The following SUPT3H variants were observed in gnomAD, a reference collection of about 807,000 sequenced individuals.
The protein encoded by SUPT3H is transcription initiation protein SPT3 homolog.
A neutral mutation model predicts 44.3 loss-of-function variants in SUPT3H; 44 were observed. The observed-to-expected ratio is 0.99, with a 90% CI of 0.78 to 1.28. The LOEUF is 1.28. Among genes scored for constraint, SUPT3H ranks in the 50% most tolerant of loss-of-function variants. The pLI is 0.00. For missense variants in SUPT3H, 380 were observed against 387.1 expected, an observed-to-expected ratio of 0.98 and a Z score of 0.15; for synonymous variants, 124 against 125.6, an observed-to-expected ratio of 0.99 and a Z score of 0.09.
chr6:45,375,895 C>T (rs1368400479), intron 1 of SUPT3H, among the ~76,000 whole-genome samples: 1 of 151,286 alleles, frequency 6.6e-6, no homozygotes, highest in South Asian at 2.1e-4. Context: ...CCTAATTTCA[C>T]TTATCTCTCC....
At chr6:45,243,808 A>C (rs1033752216) in intron 2 of SUPT3H, among the ~76,000 whole-genome samples, 1 of 152,200 alleles carries the variant, frequency 6.6e-6, no homozygotes, top group African/African-American at 2.4e-5. Context: ...CTTTGCACTA[A>C]TACTGTTGCC....
At chr6:45,284,184 C>G (rs549455502) in intron 2 of SUPT3H, among the ~76,000 whole-genome samples, 6 of 152,078 alleles carry the variant, frequency 3.9e-5, no homozygotes, top group Non-Finnish European at 7.4e-5. Context: ...ATTAAAACAA[C>G]TGGAGAAGCA....
intron 2 of SUPT3H, among the ~76,000 whole-genome samples, chr6:45,281,081 G>C (rs1325475452): frequency 6.6e-6 from 1 of 152,202 alleles, no homozygotes; most frequent in Non-Finnish European, 1.5e-5. Context: ...GACTGTTTTA[G>C]TTTTTAATAT....
At chr6:44,812,014 G>A (rs895545027) in intron 11 of SUPT3H, among the ~76,000 whole-genome samples, 4 of 151,998 alleles carry the variant, frequency 2.6e-5, no homozygotes, top group African/African-American at 9.7e-5. Flanking sequence ...ATAACTCAAG[G>A]TATGAGAGAC....
rs377126504 is a variant in SUPT3H, at chr6:44,932,746, A to G, written c.819T>C (p.Gly273=). 12 of 1,608,510 alleles carry G rather than the reference A, an allele frequency of 7.5e-6. No individual in the cohort carries two copies. The highest frequency in any genetic ancestry group is 1.3e-5 in the African/African-American group (1 of 74,508). The part of the protein sequence containing the change: ...HNSAESTAAC[G]VEAHSDAIQP... ...GGATGGCATCGCTGTGAGCCTCAAC[A>G]CCACAGGCTGCAGTGCTCTGCGACA... The change falls in exon 10 of 11, where the codon GGT becomes GGC. Residue 273 remains glycine (G), a synonymous_variant. Transcript: ENST00000371459.
chr6:45,253,872 T>TATATATATATACAC (rs1491408260), intron 2 of SUPT3H, among the ~76,000 whole-genome samples: 1 of 124,080 alleles, frequency 8.1e-6, no homozygotes, highest in Admixed American at 8.2e-5. Flanking sequence ...TATATATATA[T>TATATATATATACAC]ACACACACAC....
chr6:45,176,826 C>T (rs960675783), intron 2 of SUPT3H, among the ~76,000 whole-genome samples: 1 of 152,128 alleles, frequency 6.6e-6, no homozygotes. Flanking sequence ...TGACACAAGG[C>T]CAGGTACTCC....
At position 44,886,858 on chromosome 6, in the gene SUPT3H, A is replaced by G. The variant is rs1451783732; in HGVS notation, c.912+45795T>C. Among the ~76,000 whole-genome samples, 10 of 152,162 alleles carry G rather than the reference A, an allele frequency of 6.6e-5. 1 individual carries two copies. The highest frequency in any genetic ancestry group is 3.8e-4 in the East Asian group (2 of 5,204). ...AAGAGTCAAGACCCATCAGTGTGCTATATTCAGGAAACCCATCTCACATGC... is the reference window on the plus strand; with the variant it reads ...AAGAGTCAAGACCCATCAGTGTGCTGTATTCAGGAAACCCATCTCACATGC... On this transcript the variant is annotated intron_variant, in intron 10 of 10. Coordinates refer to ENST00000371459, the MANE Select transcript of SUPT3H (RefSeq NM_003599.4).
chr6:44,847,792 G>C (rs994536327), intron 10 of SUPT3H, among the ~76,000 whole-genome samples: 1 of 151,390 alleles, frequency 6.6e-6, no homozygotes, highest in Non-Finnish European at 1.5e-5. Context: ...CCAGCCTATG[G>C]GAAGATTTTT....
chr6:44,917,794 T>C (rs1582483385), intron 10 of SUPT3H, among the ~76,000 whole-genome samples: 1 of 152,206 alleles, frequency 6.6e-6, no homozygotes, highest in Admixed American at 6.5e-5. Context: ...TTCCACACCA[T>C]TTCCAGTACA....
intron 10 of SUPT3H, among the ~76,000 whole-genome samples, chr6:44,844,072 G>A (rs890643341): frequency 6.6e-6 from 1 of 151,858 alleles, no homozygotes; most frequent in Non-Finnish European, 1.5e-5. Context: ...TGAAACAGAT[G>A]AGAGAGTCCA....
intron 2 of SUPT3H, among the ~76,000 whole-genome samples, chr6:45,329,819 T>C (rs1787095177): frequency 6.6e-6 from 1 of 151,978 alleles, no homozygotes; most frequent in Non-Finnish European, 1.5e-5. Context: ...TAGCAAAATA[T>C]CTAAACACAC....
intron 6 of SUPT3H, among the ~76,000 whole-genome samples, chr6:44,997,776 T>C (rs1350546196): frequency 6.6e-6 from 1 of 151,840 alleles, no homozygotes; most frequent in Non-Finnish European, 1.5e-5. Context: ...TTCATTTAAG[T>C]GAGATATTTT....
chr6:44,940,642 T>C (rs1772252399), intron 9 of SUPT3H, among the ~76,000 whole-genome samples: 1 of 152,140 alleles, frequency 6.6e-6, no homozygotes, highest in African/African-American at 2.4e-5. Context: ...GTTGAAGTTG[T>C]CCATTATTAC....
chr6:45,242,820 C>T (rs138204512), intron 2 of SUPT3H, among the ~76,000 whole-genome samples: 3 of 152,018 alleles, frequency 2.0e-5, no homozygotes, highest in Admixed American at 6.6e-5. Context: ...GAAAATAAGG[C>T]CCATAAACAG....
chr6:44,917,674 C>A (rs1392473546), intron 10 of SUPT3H, among the ~76,000 whole-genome samples: 11 of 152,148 alleles, frequency 7.2e-5, no homozygotes, highest in Admixed American at 7.2e-4. Context: ...AGAATAAATA[C>A]CTCCAGGCTA....
At chr6:45,129,434 T>C (rs1462963496) in intron 2 of SUPT3H, among the ~76,000 whole-genome samples, 1 of 152,252 alleles carries the variant, frequency 6.6e-6, no homozygotes, top group Non-Finnish European at 1.5e-5. Flanking sequence ...TTTCTAGTTA[T>C]GTGGTCTCAC....
intron 3 of SUPT3H, among the ~76,000 whole-genome samples, chr6:45,082,055 A>T (rs1795883414): frequency 6.6e-6 from 1 of 152,152 alleles, no homozygotes; most frequent in Non-Finnish European, 1.5e-5. Context: ...GAAATGGATA[A>T]ATTCCTGGAA....
chr6:44,989,711 C>T (rs867165391), intron 6 of SUPT3H, among the ~76,000 whole-genome samples: 1 of 152,068 alleles, frequency 6.6e-6, no homozygotes, highest in Non-Finnish European at 1.5e-5. Context: ...TGAGGTGATA[C>T]ATCTCACTGC....
Sources: gnomAD v4.1 joint callset for allele counts (sites outside exome capture counted in the v4.1 genomes callset) on GRCh38, gnomAD v4.1.1 for gene constraint, MANE v1.5 for transcripts, NCBI Gene and HGNC (gene_info 2026-07-23, HGNC 2026-07-21) for gene names.